The following TMEM115 variants were observed in gnomAD, a reference collection of about 807,000 sequenced individuals.
TMEM115 encodes the protein PP6.
In TMEM115, 8 loss-of-function variants were observed where a neutral mutation model predicts 20.1. The ratio of observed to expected loss-of-function variants is 0.40; its 90% CI spans 0.23 to 0.72. TMEM115 has a LOEUF of 0.72. Ranked by LOEUF, TMEM115 falls within the 30% of genes least tolerant of loss-of-function variation. TMEM115 has a pLI of 0.39. For synonymous variants in TMEM115, 229 were observed against 206.2 expected (o/e 1.11, Z -0.95); for missense variants, 374 against 455.1 (o/e 0.82, Z 1.62).
chr3:50,355,571 G>A (rs1016522800), intron 1 of TMEM115, 24 bp from the exon 2 acceptor site: 19 of 1,562,946 alleles, frequency 1.2e-5, no homozygotes, highest in Non-Finnish European at 1.6e-5. Context: ...AGAGAGGAAA[G>A]GTCACTCTGG....
intron 1 of TMEM115, among the ~76,000 whole-genome samples, chr3:50,357,746 A>C (rs1288936295): frequency 8.5e-5 from 13 of 152,258 alleles, no homozygotes; most frequent in African/African-American, 2.9e-4. Context: ...AGTAAGTGGC[A>C]GAGAAGCACA....
chr3:50,356,318 CATGTGCTTGGGACCCTG>C lies in TMEM115; in HGVS notation c.852-788_852-772del, dbSNP rs371702158. Reference sequence around the variant, plus strand: ...AAAGTCCAACAGAAGAAGGTTTACACATGTGCTTGGGACCCTGACCCACCAGAAGGTGGAGTGCTGCA... The same window carrying C: ...AAAGTCCAACAGAAGAAGGTTTACACACCCACCAGAAGGTGGAGTGCTGCA... On this transcript the variant is annotated intron_variant, in intron 1 of 1. Coordinates refer to ENST00000266025, the MANE Select transcript of TMEM115 (RefSeq NM_007024.5). Among the ~76,000 whole-genome samples, 1,477 of 152,310 alleles carry C rather than the reference CATGTGCTTGGGACCCTG, an allele frequency of 9.7e-3. 24 individuals are homozygous for C. Among genetic ancestry groups the C allele is most frequent in the African/African-American group, 0.034 (1,410 of 41,564 alleles).
At chr3:50,358,090 C>T in intron 1 of TMEM115, 123 bp downstream of exon 1, 4 of 1,358,732 alleles carry the variant, frequency 2.9e-6, no homozygotes, top group Non-Finnish European at 4.0e-6. Flanking sequence ...TTTTGTCTTT[C>T]CGGATGTGCC....
At position 50,358,515 on chromosome 3, in the gene TMEM115, G is replaced by A. The variant is rs1318864468; in HGVS notation, c.549C>T (p.Ala183=). The part of the protein sequence containing the change: ...LLALLLLLRL[A]TLLQSPALAS... ...CCAGCGCCGGGCTCTGGAGCAGCGT[G>A]GCGAGCCGCAGCAGGAGCAGCAGCG... Residue 183 remains alanine (A), a synonymous_variant, in exon 1 of 2, where the codon GCC becomes GCT. Transcript: ENST00000266025. 3.1e-6 allele frequency: 5 copies of A among 1,611,236 alleles called. No homozygotes were observed. The highest frequency in any genetic ancestry group is 4.2e-6 in the Non-Finnish European group (5 of 1,179,444).
rs1703928313 is a variant in TMEM115 at position 50,359,347 on chromosome 3, A to G, written c.-284T>C. Reference sequence around the variant, plus strand: ...CACCCTGTAGGCCCCGTGCCAGGCTAGCCTGGTTGGCGTTGACCTCAGGGC... The same window carrying G: ...CACCCTGTAGGCCCCGTGCCAGGCTGGCCTGGTTGGCGTTGACCTCAGGGC... On this transcript the variant is annotated 5_prime_UTR_variant, in exon 1 of 2. Transcript: ENST00000266025. The G allele has an allele frequency of 2.2e-6, 1 of 456,674 alleles. No individual in the cohort carries two copies. The allele number at this position is 456,674 out of a possible 1,614,324, so 28.3% of individuals were successfully genotyped here.
intron 1 of TMEM115, 199 bp downstream of exon 1, chr3:50,358,014 T>TGG (rs1310628572): frequency 1.2e-5 from 8 of 643,050 alleles, no homozygotes; most frequent in Non-Finnish European, 1.8e-5. Context: ...GTGGCCCGAG[T>TGG]GGTGAGAAAA....
intron 1 of TMEM115, among the ~76,000 whole-genome samples, chr3:50,356,585 T>C (rs1032007762): frequency 5.9e-5 from 9 of 152,182 alleles, no homozygotes; most frequent in African/African-American, 2.2e-4. Context: ...CAAGTTGGTA[T>C]AGACAGGACA....
chr3:50,354,964 A>C lies in TMEM115; in HGVS notation c.*379T>G, dbSNP rs775956819. ...CGGCTCCTGCATTTGCTGGGCCCCCAGAACATTTTTGGCAAATCCTTGCCT... is the reference window on the plus strand; with the variant it reads ...CGGCTCCTGCATTTGCTGGGCCCCCCGAACATTTTTGGCAAATCCTTGCCT... On this transcript the variant is annotated 3_prime_UTR_variant, in exon 2 of 2. Transcript: ENST00000266025. The C allele has an allele frequency of 1.8e-4, 32 of 181,008 alleles. No individual in the cohort carries two copies. Among genetic ancestry groups the C allele is most frequent in the Non-Finnish European group, 3.0e-4 (26 of 87,360 alleles). 11.2% of individuals were successfully genotyped at this position (181,008 alleles called of 1,614,324 possible). A position where few individuals can be genotyped will look rare whatever the true frequency, so the allele number is the denominator to read the frequency against.
In TMEM115 at chr3:50,359,140, C is replaced by A. The variant is rs1559863456; in HGVS notation, c.-77G>T. The A allele has an allele frequency of 4.1e-6, 6 of 1,460,536 alleles. No homozygotes were observed. Among genetic ancestry groups the A allele is most frequent in the Middle Eastern group, 5.0e-4 (2 of 3,972 alleles). 90.5% of individuals were successfully genotyped at this position (1,460,536 alleles called of 1,614,324 possible). On this transcript the variant is annotated 5_prime_UTR_variant, in exon 1 of 2. Transcript: ENST00000266025. ...CCCGGGGCCTCGTCCTAGTCCGGCC[C>A]CGATGGGAGGCCCAGGCCCGGCCTA...
rs587754764 is a variant in TMEM115, at chr3:50,356,093, T to A, written c.852-546A>T. ...AGGAAGCAGGGCCAACTTGGGTGAG[T>A]CTACCCCTCCTAACTGATGCTAATA... On this transcript the variant is annotated intron_variant, in intron 1 of 1. Coordinates refer to ENST00000266025, the MANE Select transcript of TMEM115 (RefSeq NM_007024.5). Among the ~76,000 whole-genome samples, 14 of 152,218 alleles carry A rather than the reference T, an allele frequency of 9.2e-5. No individual in the cohort carries two copies. The South Asian group carries it at 2.7e-3, about 29-fold the overall frequency.
In TMEM115 at chr3:50,358,811, C is replaced by A. The variant is rs1254869825; in HGVS notation, c.253G>T (p.Ala85Ser). Residue 85 changes from alanine to serine, a missense_variant, in exon 1 of 2, where the codon GCC (alanine) becomes TCC (serine). By Grantham distance (99) the Ala-to-Ser change is moderately conservative. Coordinates refer to ENST00000266025, the MANE Select transcript of TMEM115 (RefSeq NM_007024.5). ...VAISLTTVVVAGRLLEPLWGA... is the reference protein window; with the variant it reads ...VAISLTTVVVSGRLLEPLWGA... ...CAGAGGGGCTCCAGCAAACGCCCGG[C>A]CACCACCACCGTTGTCAGGCTGATG... is the stretch of plus-strand genomic sequence containing the variant. 1 of 1,613,280 alleles carries A rather than the reference C, an allele frequency of 6.2e-7. No homozygotes were observed. Among genetic ancestry groups the A allele is most frequent in the South Asian group, 1.1e-5 (1 of 91,088 alleles).
At chr3:50,356,867 C>T (rs189124941) in intron 1 of TMEM115, among the ~76,000 whole-genome samples, 206 of 152,042 alleles carry the variant, frequency 1.4e-3, no homozygotes, top group East Asian at 8.5e-3. Flanking sequence ...CTTGACCCTC[C>T]CTTCCTCCCC....
In TMEM115 at chr3:50,359,121, G is replaced by A; in HGVS notation, c.-58C>T. 2 of 1,498,182 alleles carry A rather than the reference G, an allele frequency of 1.3e-6. No homozygotes were observed. Among genetic ancestry groups the A allele is most frequent in the South Asian group, 1.3e-5 (1 of 76,710 alleles). 92.8% of individuals were successfully genotyped at this position (1,498,182 alleles called of 1,614,324 possible). A position where few individuals can be genotyped will look rare whatever the true frequency, so the allele number is the denominator to read the frequency against. On this transcript the variant is annotated 5_prime_UTR_variant, in exon 1 of 2. Coordinates refer to ENST00000266025, the MANE Select transcript of TMEM115 (RefSeq NM_007024.5). ...CTGGTAGGCCAGGGGCCTCCCCGGG[G>A]CCTCGTCCTAGTCCGGCCCCGATGG...
chr3:50,358,521 C>A lies in TMEM115; in HGVS notation c.543G>T (p.Arg181=). ...CCGGGCTCTGGAGCAGCGTGGCGAGCCGCAGCAGGAGCAGCAGCGCCAGCA... is the reference window on the plus strand; with the variant it reads ...CCGGGCTCTGGAGCAGCGTGGCGAGACGCAGCAGGAGCAGCAGCGCCAGCA... ...MLLLALLLLL[R]LATLLQSPAL... Residue 181 remains arginine, a synonymous_variant, in exon 1 of 2, where the codon CGG becomes CGT. Coordinates refer to ENST00000266025, the MANE Select transcript of TMEM115 (RefSeq NM_007024.5). 6.2e-7 allele frequency: 1 copy of A among 1,611,966 alleles called. No individual in the cohort carries two copies. The highest frequency in any genetic ancestry group is 8.5e-7 in the Non-Finnish European group (1 of 1,179,572).
chr3:50,358,635 A>C lies in TMEM115; in HGVS notation c.429T>G (p.Gly143=). 2 of 1,612,892 alleles carry C rather than the reference A, an allele frequency of 1.2e-6. No individual in the cohort carries two copies. Among genetic ancestry groups the C allele is most frequent in the Non-Finnish European group, 8.5e-7 (1 of 1,179,808 alleles). Reference sequence around the variant, plus strand: ...TTTGCTTGAGTGCCACCAGGACGCCACCTAGGAAGCCCAAGGCGCCGTGGA... The same window carrying C: ...TTTGCTTGAGTGCCACCAGGACGCCCCCTAGGAAGCCCAAGGCGCCGTGGA... The part of the protein sequence containing the change: ...VRIHGALGFL[G]GVLVALKQTM... The change falls in exon 1 of 2, where the codon GGT becomes GGG. Residue 143 remains glycine, a synonymous_variant. Transcript: ENST00000266025.
Position 50,355,334 on chromosome 3 carries a change from G to T in TMEM115, c.*9C>A, listed in dbSNP as rs780981435. On this transcript the variant is annotated 3_prime_UTR_variant, in exon 2 of 2. Transcript: ENST00000266025. Reference sequence around the variant, plus strand: ...GGAGGGGAGGTGCCACACTCAAGGTGGTCTGGAGTTACAGCGTCGGGGGAG... The same window carrying T: ...GGAGGGGAGGTGCCACACTCAAGGTTGTCTGGAGTTACAGCGTCGGGGGAG... 9 of 1,478,546 alleles carry T rather than the reference G, an allele frequency of 6.1e-6. No individual in the cohort carries two copies. In the African/African-American group the frequency reaches 1.3e-4, roughly 21 times the overall value. The allele number at this position is 1,478,546 out of a possible 1,614,324, so 91.6% of individuals were successfully genotyped here.
At chr3:50,358,137 G>T in intron 1 of TMEM115, 76 bp downstream of exon 1, 1 of 1,558,866 alleles carries the variant, frequency 6.4e-7, no homozygotes, top group South Asian at 1.2e-5. Flanking sequence ...TATGTACAGC[G>T]AACACCTCAA....
rs766971920 is a variant in TMEM115, at chr3:50,358,953, G to A, written c.111C>T (p.Ser37=). Residue 37 remains serine, a synonymous_variant, in exon 1 of 2, where the codon TCC becomes TCT. Transcript: ENST00000266025. ...CCAGGCAGCCTGTGTCCACGGCGAA[G>A]GAGAGCAGGTAGAGGAATAGTACCG... The part of the protein sequence containing the change: ...CAAVLFLYLL[S]FAVDTGCLAV... The A allele has an allele frequency of 5.0e-6, 8 of 1,611,540 alleles. No homozygotes were observed. The highest frequency in any genetic ancestry group is 5.9e-6 in the Non-Finnish European group (7 of 1,179,396).
Position 50,358,742 on chromosome 3 carries a change from A to G in TMEM115, c.322T>C (p.Ser108Pro). Residue 108 changes from serine (S) to proline (P), a missense_variant, in exon 1 of 2, where the codon TCT becomes CCT. By Grantham distance (74) the Ser-to-Pro change is moderately conservative. Coordinates refer to ENST00000266025, the MANE Select transcript of TMEM115 (RefSeq NM_007024.5). ...LLIFFSVVNV[S>P]VGLLGAFAYL... ...GCGAAGGCCCCCAGCAGCCCTACAG[A>G]CACATTCACCACTGAGAAGAAGATG... 1 of 1,613,490 alleles carries G rather than the reference A, an allele frequency of 6.2e-7. No homozygotes were observed. Among genetic ancestry groups the G allele is most frequent in the South Asian group, 1.1e-5 (1 of 91,090 alleles).
Sources: gnomAD v4.1 joint callset for allele counts (sites outside exome capture counted in the v4.1 genomes callset) on GRCh38, gnomAD v4.1.1 for gene constraint, MANE v1.5 for transcripts, NCBI Gene and HGNC (gene_info 2026-07-23, HGNC 2026-07-21) for gene names.